The following SPATA13 variants were observed in gnomAD, a reference collection of about 807,000 sequenced individuals.
SPATA13 encodes spermatogenesis-associated protein 13.
In SPATA13, 50 loss-of-function variants were observed where a neutral mutation model predicts 104.0. The observed-to-expected ratio is 0.48, with a 90% CI of 0.38 to 0.61. The LOEUF is 0.61. SPATA13 is among the 20% of genes least tolerant of loss of function. The pLI is 0.00. For missense variants in SPATA13, 1,524 were observed against 1,690.6 expected, an observed-to-expected ratio of 0.90 and a Z score of 1.73; for synonymous variants, 606 against 667.5, an observed-to-expected ratio of 0.91 and a Z score of 1.42.
At chr13:24,049,303 G>A (rs1381212185) in intron 3 of SPATA13, among the ~76,000 whole-genome samples, 1 of 152,168 alleles carries the variant, frequency 6.6e-6, no homozygotes, top group Non-Finnish European at 1.5e-5. Flanking sequence ...TTCTACATTT[G>A]GGTGTGTTTA....
At chr13:24,048,344 A>G (rs1414929263) in intron 3 of SPATA13, among the ~76,000 whole-genome samples, 1 of 151,832 alleles carries the variant, frequency 6.6e-6, no homozygotes, top group East Asian at 1.9e-4. Flanking sequence ...TATACAAAGC[A>G]ACATGTAACT....
At chr13:24,029,204 A>G (rs372557670) in intron 3 of SPATA13, among the ~76,000 whole-genome samples, 1 of 152,230 alleles carries the variant, frequency 6.6e-6, no homozygotes, top group Non-Finnish European at 1.5e-5. Flanking sequence ...ACTTACAGGC[A>G]TGTGCCAACA....
intron 3 of SPATA13, among the ~76,000 whole-genome samples, chr13:24,038,624 G>GT (rs1490867221): frequency 6.6e-6 from 1 of 152,148 alleles, no homozygotes; most frequent in Non-Finnish European, 1.5e-5. Context: ...GTTCTCTGTG[G>GT]TGATGACTCA....
chr13:23,991,466 G>A (rs1429430887), intron 2 of SPATA13, among the ~76,000 whole-genome samples: 1 of 152,068 alleles, frequency 6.6e-6, no homozygotes, highest in Non-Finnish European at 1.5e-5. Context: ...TTCTTTTCTT[G>A]CTCCTCTTTT....
intron 4 of SPATA13, among the ~76,000 whole-genome samples, chr13:24,273,961 A>G (rs967037862): frequency 3.3e-5 from 5 of 152,196 alleles, no homozygotes; most frequent in Non-Finnish European, 1.5e-5. Context: ...AAGTGCTGAG[A>G]TTACAGGCAT....
chr13:23,995,978 G>GAGC (rs1223754531), intron 2 of SPATA13, among the ~76,000 whole-genome samples: 2 of 152,304 alleles, frequency 1.3e-5, no homozygotes, highest in African/African-American at 4.8e-5. Flanking sequence ...AGAGACAACC[G>GAGC]AGCAGATAGA....
intron 1 of SPATA13, among the ~76,000 whole-genome samples, chr13:24,169,953 ACT>A (rs1314987288): frequency 6.6e-6 from 1 of 151,932 alleles, no homozygotes; most frequent in Non-Finnish European, 1.5e-5. Context: ...GAAAGCAAGA[ACT>A]CTCCCTGCTT....
rs535062848 is a variant in SPATA13, at chr13:24,288,792, A to G, written c.2668-207A>G. Among the ~76,000 whole-genome samples the G allele has an allele frequency of 2.6e-5, 4 of 152,286 alleles. No individual in the cohort carries two copies. The South Asian group carries it at 8.3e-4, about 32-fold the overall frequency. On this transcript the variant is annotated intron_variant, in intron 7 of 12. Transcript: ENST00000382108. ...TATGGTTTATTGGATCCTAAATCCA[A>G]CCGCATGAGCCTTTTTGCTTTCTTT...
chr13:24,067,823 G>A (rs954810208), intron 3 of SPATA13, among the ~76,000 whole-genome samples: 3 of 152,108 alleles, frequency 2.0e-5, no homozygotes, highest in Non-Finnish European at 2.9e-5. Flanking sequence ...TCCTGCCTCA[G>A]CCTCCCAAAT....
chr13:24,177,090 C>T (rs895120053), intron 1 of SPATA13, among the ~76,000 whole-genome samples: 2 of 152,088 alleles, frequency 1.3e-5, no homozygotes, highest in Admixed American at 1.3e-4. Context: ...TGTTAGTGAG[C>T]CTCCTTTCTC....
chr13:23,997,021 T>G (rs1437470149), intron 2 of SPATA13, among the ~76,000 whole-genome samples: 1 of 152,204 alleles, frequency 6.6e-6, no homozygotes. Flanking sequence ...CCATTTCTCT[T>G]AAGAACAGCT....
intron 2 of SPATA13, among the ~76,000 whole-genome samples, chr13:23,984,360 C>T (rs1875049671): frequency 6.6e-6 from 1 of 152,204 alleles, no homozygotes; most frequent in African/African-American, 2.4e-5. Flanking sequence ...TTATATTCTG[C>T]CTTCAAAGGG....
At chr13:24,094,342 C>T (rs1880003672) in intron 3 of SPATA13, among the ~76,000 whole-genome samples, 1 of 152,100 alleles carries the variant, frequency 6.6e-6, no homozygotes. Context: ...TTTAGTGATT[C>T]TGAATAAGGA....
At chr13:24,053,963 C>G (rs1206672201) in intron 3 of SPATA13, among the ~76,000 whole-genome samples, 1 of 152,122 alleles carries the variant, frequency 6.6e-6, no homozygotes, top group African/African-American at 2.4e-5. Flanking sequence ...CATAGAGAGT[C>G]TGTAAAAATG....
rs958399567 is a variant in SPATA13, at chr13:24,306,926, A to G, written c.*4153A>G. 1.3e-5 allele frequency: 2 copies of G among 152,236 alleles called. No individual in the cohort carries two copies. The highest frequency in any genetic ancestry group is 4.8e-5 in the African/African-American group (2 of 41,454). 9.4% of individuals were successfully genotyped at this position (152,236 alleles called of 1,614,324 possible). ...AATTTGCTGTTGACAGCCAAAGTAT[A>G]GTGTACAAGATTGATGTAACTTGAT... On this transcript the variant is annotated 3_prime_UTR_variant, in exon 13 of 13. Coordinates refer to ENST00000382108, the MANE Select transcript of SPATA13 (RefSeq NM_001166271.3).
upstream of SPATA13, among the ~76,000 whole-genome samples, chr13:24,159,585 A>G (rs2138481678): frequency 6.6e-6 from 1 of 152,330 alleles, no homozygotes; most frequent in South Asian, 2.1e-4. Context: ...ATGTTGTTAC[A>G]TTAAGATGAA....
Position 24,051,891 on chromosome 13 carries a change from G to A in SPATA13, c.-112+34190G>A, listed in dbSNP as rs533375689. 1.3e-5 allele frequency among the ~76,000 whole-genome samples: 2 copies of A among 152,250 alleles called. No homozygotes were observed. The highest frequency in any genetic ancestry group is 2.1e-4 in the South Asian group (1 of 4,820). On this transcript the variant is annotated intron_variant, in intron 3 of 14. Transcript: ENST00000424834. The surrounding 1 kb of genome is among the most constrained non-coding windows in gnomAD (Gnocchi z 4.2). ...CAGCCTGGGGTCCTAGGAGTTCCCC[G>A]GCACCTGTTCCTCCTCCTCAGCCCC...
chr13:24,121,042 G>A (rs919675455), intron 3 of SPATA13, among the ~76,000 whole-genome samples: 14 of 152,020 alleles, frequency 9.2e-5, no homozygotes, highest in African/African-American at 3.1e-4. Context: ...TCTGAATTAA[G>A]TTCTTTTAAT....
At chr13:24,180,215 A>G (rs2138522102) in intron 1 of SPATA13, among the ~76,000 whole-genome samples, 1 of 152,308 alleles carries the variant, frequency 6.6e-6, no homozygotes, top group South Asian at 2.1e-4. Flanking sequence ...GCATGTAGAA[A>G]TGCATTTGTC....
Sources: gnomAD v4.1 joint callset for allele counts (sites outside exome capture counted in the v4.1 genomes callset) on GRCh38, gnomAD v4.1.1 for gene constraint, Gnocchi (gnomAD v3.1) non-coding constraint, MANE v1.5 for transcripts, NCBI Gene and HGNC (gene_info 2026-07-23, HGNC 2026-07-21) for gene names.